The following CADM2 variants were observed in gnomAD, a reference collection of about 807,000 sequenced individuals.
CADM2 encodes the protein cell adhesion molecule 2.
Under a neutral mutation model 49.8 loss-of-function variants are expected in CADM2, and 12 were observed. The ratio of observed to expected loss-of-function variants is 0.24; its 90% CI spans 0.15 to 0.39. CADM2 has a LOEUF of 0.39. CADM2 is among the 10% of genes least tolerant of loss of function. The pLI is 1.00. For missense variants in CADM2, 378 were observed against 492.3 expected (o/e 0.77, Z 2.20); for synonymous variants, 214 against 175.4 (o/e 1.22, Z -1.74).
At chr3:85,164,869 A>C (rs1474767045) in intron 1 of CADM2, among the ~76,000 whole-genome samples, 1 of 151,990 alleles carries the variant, frequency 6.6e-6, no homozygotes, top group Non-Finnish European at 1.5e-5. Flanking sequence ...AGAGCATGTG[A>C]GTTTTTTTAA....
chr3:85,553,976 T>C (rs1388911764), intron 1 of CADM2, among the ~76,000 whole-genome samples: 2 of 152,152 alleles, frequency 1.3e-5, no homozygotes, highest in African/African-American at 4.8e-5. Flanking sequence ...AAAAATCCAA[T>C]TGTGGTAAAT....
chr3:85,171,754 A>C (rs939917450), intron 1 of CADM2, among the ~76,000 whole-genome samples: 5 of 152,220 alleles, frequency 3.3e-5, no homozygotes, highest in Admixed American at 1.3e-4. Flanking sequence ...GCCAAAATTT[A>C]ACAATATAAA....
At chr3:85,293,273 A>C (rs1415933523) in intron 1 of CADM2, among the ~76,000 whole-genome samples, 1 of 151,874 alleles carries the variant, frequency 6.6e-6, no homozygotes, top group African/African-American at 2.4e-5. Flanking sequence ...CAATAACAGG[A>C]TCTGAAATTG....
At position 85,645,445 on chromosome 3, in the gene CADM2, C is replaced by G. The variant is rs1024253949; in HGVS notation, c.62-81077C>G. On this transcript the variant is annotated intron_variant, in intron 1 of 9. Transcript: ENST00000383699. ...TTGAGGCAAACACCATGTATTTAGA[C>G]AACAGTAAGTTTCCTCTCTCACTTT... 3.3e-5 allele frequency among the ~76,000 whole-genome samples: 5 copies of G among 152,060 alleles called. No homozygotes were observed. The East Asian group carries it at 9.7e-4, about 29-fold the overall frequency.
chr3:85,428,903 T>A (rs1051550893), intron 1 of CADM2, among the ~76,000 whole-genome samples: 1 of 151,760 alleles, frequency 6.6e-6, no homozygotes, highest in Non-Finnish European at 1.5e-5. Context: ...TCAAGGAATT[T>A]GCCCTAATTC....
At position 85,481,229 on chromosome 3, in the gene CADM2, G is replaced by GATATATATATATATAT. The variant is rs3086137; in HGVS notation, c.62-245290_62-245275dup. Among the ~76,000 whole-genome samples, 528 of 144,920 alleles carry GATATATATATATATAT rather than the reference G, an allele frequency of 3.6e-3. 1 individual carries two copies. The highest frequency in any genetic ancestry group is 0.012 in the African/African-American group (472 of 39,906). ...GCATATACACAAATTATATATATTG[G>GATATATATATATATAT]ATATATATATATATATATGTTTTGT... is the stretch of plus-strand genomic sequence containing the variant. On this transcript the variant is annotated intron_variant, in intron 1 of 9. Transcript: ENST00000383699.
chr3:85,444,443 TCACA>T (rs4053296), intron 1 of CADM2, among the ~76,000 whole-genome samples: 23 of 148,012 alleles, frequency 1.6e-4, no homozygotes, highest in African/African-American at 2.5e-4. Context: ...TCCTACACAC[TCACA>T]CACACACACA....
In CADM2 at chr3:85,742,937, A is replaced by G. The variant is rs115763449; in HGVS notation, c.88+16389A>G. ...TTCCTCTTTGACTGCATGTTATATA[A>G]GTACTTCACTGATTTAGTTCTTTCT... On this transcript the variant is annotated intron_variant, in intron 2 of 9. Transcript: ENST00000383699. Among the ~76,000 whole-genome samples, 355 of 152,242 alleles carry G rather than the reference A, an allele frequency of 2.3e-3. 1 individual carries two copies. The highest frequency in any genetic ancestry group is 8.1e-3 in the African/African-American group (337 of 41,546).
At chr3:85,710,565 A>G (rs1424054511) in intron 1 of CADM2, among the ~76,000 whole-genome samples, 1 of 152,126 alleles carries the variant, frequency 6.6e-6, no homozygotes, top group African/African-American at 2.4e-5. Flanking sequence ...GAGAGGTATA[A>G]CTTCGAAATT....
At chr3:85,624,140 C>T (rs1173712621) in intron 1 of CADM2, among the ~76,000 whole-genome samples, 5 of 152,052 alleles carry the variant, frequency 3.3e-5, no homozygotes, top group Non-Finnish European at 7.4e-5. Flanking sequence ...TATAGAGAAT[C>T]ATTTTGTAAC....
chr3:85,614,581 C>A (rs982278335), intron 1 of CADM2, among the ~76,000 whole-genome samples: 1 of 151,792 alleles, frequency 6.6e-6, no homozygotes, highest in African/African-American at 2.4e-5. Flanking sequence ...AAAATGCCTT[C>A]TTTGTACATT....
At chr3:85,744,828 C>A (rs890170055) in intron 2 of CADM2, among the ~76,000 whole-genome samples, 1 of 152,026 alleles carries the variant, frequency 6.6e-6, no homozygotes, top group African/African-American at 2.4e-5. Flanking sequence ...TGCATGGGGA[C>A]AAGTAGGCCA....
At chr3:85,762,112 C>T (rs560728082) in intron 2 of CADM2, among the ~76,000 whole-genome samples, 11 of 152,168 alleles carry the variant, frequency 7.2e-5, no homozygotes, top group East Asian at 1.9e-4. Flanking sequence ...CAAACAAACA[C>T]GGGAAATCCT....
intron 1 of CADM2, among the ~76,000 whole-genome samples, chr3:85,154,104 G>A (rs995238591): frequency 6.6e-6 from 1 of 152,204 alleles, no homozygotes; most frequent in African/African-American, 2.4e-5. Context: ...ACTTTGATGA[G>A]CTGAGAGAAG....
intron 1 of CADM2, among the ~76,000 whole-genome samples, chr3:85,636,439 AT>A (rs2064488554): frequency 6.6e-6 from 1 of 152,210 alleles, no homozygotes; most frequent in Admixed American, 6.5e-5. Context: ...GCAATGTGTT[AT>A]TACAAAAGAG....
intron 1 of CADM2, among the ~76,000 whole-genome samples, chr3:85,344,420 T>TA (rs780360612): frequency 9.0e-5 from 13 of 144,204 alleles, no homozygotes; most frequent in East Asian, 4.0e-4. Flanking sequence ...AATAAATAAA[T>TA]AATAATTATA....
chr3:86,010,606 A>G (rs371690009), intron 8 of CADM2, among the ~76,000 whole-genome samples: 1 of 151,326 alleles, frequency 6.6e-6, no homozygotes, highest in Non-Finnish European at 1.5e-5. Flanking sequence ...AAGAAAATTT[A>G]TGTGTCAAAC....
rs528442090 is a variant in CADM2 at position 85,198,195 on chromosome 3, T to C, written c.61+238527T>C. Among the ~76,000 whole-genome samples, 185 of 152,034 alleles carry C rather than the reference T, an allele frequency of 1.2e-3. 1 individual carries two copies. Among genetic ancestry groups the C allele is most frequent in the African/African-American group, 4.0e-3 (167 of 41,562 alleles). The stretch of plus-strand genomic sequence containing the variant: ...TTATAATTTTATAATTAGCATTCTC[T>C]TCCAGTAGTTAGAGAAGCAATGATA... On this transcript the variant is annotated intron_variant, in intron 1 of 9. Transcript: ENST00000383699.
At chr3:85,927,906 G>A (rs1320984449) in intron 6 of CADM2, among the ~76,000 whole-genome samples, 1 of 152,052 alleles carries the variant, frequency 6.6e-6, no homozygotes, top group Non-Finnish European at 1.5e-5. Flanking sequence ...ATCTGGTGAT[G>A]GATAAATTTT....
Sources: allele counts gnomAD v4.1 joint callset (sites outside exome capture counted in the v4.1 genomes callset), GRCh38; gene constraint gnomAD v4.1.1; transcripts MANE v1.5; gene names NCBI Gene and HGNC (gene_info 2026-07-23, HGNC 2026-07-21).